The following LRCH3 variants were observed in gnomAD, a reference collection of about 807,000 sequenced individuals.
The protein encoded by LRCH3 is DISP complex protein LRCH3.
LRCH3 carries 68 observed loss-of-function variants against 104.5 expected under a neutral mutation model. The ratio of observed to expected loss-of-function variants is 0.65; its 90% CI spans 0.54 to 0.80. The LOEUF (loss-of-function observed/expected upper bound fraction) is 0.80. Ranked by LOEUF, LRCH3 falls within the 30% of genes least tolerant of loss-of-function variation. LRCH3 has a pLI of 0.00. For missense variants in LRCH3, 951 were observed against 953.9 expected (o/e 1.00, Z 0.04); for synonymous variants, 344 against 361.3 (o/e 0.95, Z 0.54).
At chr3:197,879,600 CA>C (rs1242127236) in intron 20 of LRCH3, among the ~76,000 whole-genome samples, 2 of 151,848 alleles carry the variant, frequency 1.3e-5, no homozygotes, top group Admixed American at 1.3e-4. Flanking sequence ...GAGCCGAGAT[CA>C]GCGAGACTCC....
In LRCH3 at chr3:197,839,470, C is replaced by G. The variant is rs76051078; in HGVS notation, c.1328+73C>G. 2.5e-3 allele frequency: 2,174 copies of G among 875,046 alleles called. 24 individuals are homozygous for G. In the African/African-American group the frequency reaches 0.03, roughly 12 times the overall value. The allele number at this position is 875,046 out of a possible 1,614,324, so 54.2% of individuals were successfully genotyped here. A position where few individuals can be genotyped will look rare whatever the true frequency, so the allele number is the denominator to read the frequency against. On this transcript the variant is annotated intron_variant, in intron 10 of 20. Transcript: ENST00000425562. ...AGCATAAAGTAATTTTGGTTTTATG[C>G]AGATCTGTGTGTAATAAAGATGTTT...
chr3:197,853,741 G>GT (rs1470350148), intron 13 of LRCH3, among the ~76,000 whole-genome samples: 3 of 152,056 alleles, frequency 2.0e-5, no homozygotes, highest in Non-Finnish European at 4.4e-5. Flanking sequence ...AACTACTTCT[G>GT]TTTTTTTATG....
At chr3:197,876,395 G>C (rs1187560586) in intron 20 of LRCH3, 1 of 152,134 alleles carries the variant, frequency 6.6e-6, no homozygotes, top group African/African-American at 2.4e-5. Flanking sequence ...CCTGCTATGA[G>C]GATTTATTGC....
At chr3:197,801,334 G>A (rs1050357141) in intron 1 of LRCH3, among the ~76,000 whole-genome samples, 10 of 152,176 alleles carry the variant, frequency 6.6e-5, no homozygotes, top group Non-Finnish European at 1.0e-4. Context: ...GATTAGGAAA[G>A]GGAGCTTTGG....
chr3:197,842,575 C>G (rs1212628914), intron 10 of LRCH3, among the ~76,000 whole-genome samples: 2 of 152,004 alleles, frequency 1.3e-5, no homozygotes, highest in Non-Finnish European at 1.5e-5. Context: ...TTTTTTCTTC[C>G]AGTTCTTTTC....
rs1560547713 is a variant in LRCH3, at chr3:197,827,046, TGGTGGAAGCATCAGGTAAACCAC to T, written c.777+45_777+67del. 6.4e-6 allele frequency: 10 copies of T among 1,551,464 alleles called. No homozygotes were observed. In the African/African-American group the frequency reaches 1.0e-4, roughly 16 times the overall value. On this transcript the variant is annotated intron_variant, in intron 5 of 20. Coordinates refer to ENST00000425562, the MANE Select transcript of LRCH3 (RefSeq NM_001365715.1). ...CATAGTGGAAGCATCAGGTAAACCA[TGGTGGAAGCATCAGGTAAACCAC>T]GGTGGAAGCATCTGGTGAACCATAG...
chr3:197,866,463 G>A (rs1005594340), intron 17 of LRCH3, among the ~76,000 whole-genome samples: 1 of 152,156 alleles, frequency 6.6e-6, no homozygotes, highest in African/African-American at 2.4e-5. Flanking sequence ...AATAAAATGC[G>A]CTTTCGAGGC....
intron 20 of LRCH3, chr3:197,882,183 C>CT (rs1209923275): frequency 1.0e-6 from 1 of 985,302 alleles, no homozygotes; most frequent in African/African-American, 1.7e-5. Context: ...GCACAGGCTT[C>CT]TGAGTGTGAA....
chr3:197,820,471 T>A, intron 4 of LRCH3, 41 bp downstream of exon 4: 12 of 1,329,474 alleles, frequency 9.0e-6, no homozygotes, highest in Non-Finnish European at 1.3e-5. Context: ...ATAATTGTTT[T>A]ATTATTTTAA....
At chr3:197,865,733 G>A (rs1363449725) in intron 16 of LRCH3, among the ~76,000 whole-genome samples, 1 of 149,880 alleles carries the variant, frequency 6.7e-6, no homozygotes, top group Non-Finnish European at 1.5e-5. Context: ...CTTTTTCTGA[G>A]ATAGAAATCA....
chr3:197,846,391 A>C (rs1282771941), intron 10 of LRCH3, among the ~76,000 whole-genome samples: 3 of 149,510 alleles, frequency 2.0e-5, no homozygotes, highest in Non-Finnish European at 3.0e-5. Flanking sequence ...GCCACAAAAA[A>C]AAAAAAAAAC....
intron 15 of LRCH3, among the ~76,000 whole-genome samples, chr3:197,861,076 G>A (rs1376694640): frequency 2.6e-5 from 4 of 151,274 alleles, no homozygotes; most frequent in Admixed American, 6.6e-5. Flanking sequence ...GGTTTAAAGC[G>A]ATTCTCATGC....
chr3:197,804,251 G>A (rs1017668097), intron 1 of LRCH3, among the ~76,000 whole-genome samples: 1 of 151,020 alleles, frequency 6.6e-6, no homozygotes, highest in African/African-American at 2.4e-5. Flanking sequence ...GTAAGACCCT[G>A]TCTCAAAAAA....
At chr3:197,853,971 A>G (rs914362083) in intron 13 of LRCH3, among the ~76,000 whole-genome samples, 12 of 152,234 alleles carry the variant, frequency 7.9e-5, no homozygotes, top group African/African-American at 2.9e-4. Context: ...TAACATAAAC[A>G]GTTCTAAAAA....
intron 1 of LRCH3, among the ~76,000 whole-genome samples, chr3:197,798,747 A>G (rs1352196095): frequency 5.9e-5 from 9 of 152,232 alleles, no homozygotes; most frequent in East Asian, 1.9e-4. Flanking sequence ...GTTTATGTCT[A>G]TTTTGTAACA....
At chr3:197,826,733 T>C (rs2109254207) in intron 4 of LRCH3, 145 bp from the exon 5 acceptor site, 1 of 1,023,302 alleles carries the variant, frequency 9.8e-7, no homozygotes, top group East Asian at 2.6e-5. Flanking sequence ...ACTTTTCTCA[T>C]TTTTACCACT....
chr3:197,805,906 A>T (rs1205820534), intron 1 of LRCH3, among the ~76,000 whole-genome samples: 1 of 152,030 alleles, frequency 6.6e-6, no homozygotes, highest in African/African-American at 2.4e-5. Context: ...CAGAATTTCA[A>T]TGTTATGGGT....
intron 10 of LRCH3, among the ~76,000 whole-genome samples, chr3:197,846,978 A>C (rs1485413193): frequency 6.6e-6 from 1 of 152,262 alleles, no homozygotes; most frequent in East Asian, 1.9e-4. Flanking sequence ...GATTGAAAAT[A>C]AGAGCAGGTG....
chr3:197,882,936 C>T (rs1713914073), intron 20 of LRCH3: 1 of 985,148 alleles, frequency 1.0e-6, no homozygotes, highest in Non-Finnish European at 1.2e-6. Context: ...TTCAGACAGG[C>T]CCTTCCATGA....
Sources: allele counts gnomAD v4.1 joint callset (sites outside exome capture counted in the v4.1 genomes callset), GRCh38; gene constraint gnomAD v4.1.1; transcripts MANE v1.5; gene names NCBI Gene and HGNC (gene_info 2026-07-23, HGNC 2026-07-21).